Variants in NANOGP8 observed in about 807,000 individuals in gnomAD.
NANOGP8 encodes homeobox protein NANOGP8.
For missense variants in NANOGP8, 220 were observed against 353.4 expected (o/e 0.62, Z 3.03); for synonymous variants, 84 against 125.9 (o/e 0.67, Z 2.23).
In NANOGP8 at chr15:35,083,806, C is replaced by T. The variant is rs1440385086; in HGVS notation, c.*387G>A. Among the ~76,000 whole-genome samples the T allele has an allele frequency of 7.3e-6, 1 of 137,570 alleles. No individual in the cohort carries two copies. Among genetic ancestry groups the T allele is most frequent in the Non-Finnish European group, 1.5e-5 (1 of 64,666 alleles). The allele number at this position is 137,570 out of a possible 152,430, so 90.3% of individuals were successfully genotyped here. On this transcript the variant is annotated 3_prime_UTR_variant, in exon 1 of 1. Transcript: ENST00000528386. ...CTAAAAATACAAAATATTAGCCGGGCGAGGTGGCGGGCGCCTGTAGTCCCA... is the reference window on the plus strand; with the variant it reads ...CTAAAAATACAAAATATTAGCCGGGTGAGGTGGCGGGCGCCTGTAGTCCCA...
Position 35,084,670 on chromosome 15 carries a change from T to C in NANOGP8, c.441A>G (p.Arg147=). Reference sequence around the variant, plus strand: ...TTTTCTGCCACCTCTTAGATTTCATTCTCTGGTTCTGGAACCAGGTCTTCA... The same window carrying C: ...TTTTCTGCCACCTCTTAGATTTCATCCTCTGGTTCTGGAACCAGGTCTTCA... The part of the protein sequence containing the change: ...KQVKTWFQNQ[R]MKSKRWQKNN... The change falls in exon 1 of 1, where the codon AGA becomes AGG. Residue 147 remains arginine, a synonymous_variant. Coordinates refer to ENST00000528386, the MANE Select transcript of NANOGP8 (RefSeq NM_001355281.2). The C allele has an allele frequency of 6.2e-7, 1 of 1,614,114 alleles. No homozygotes were observed. Among genetic ancestry groups the C allele is most frequent in the Non-Finnish European group, 8.5e-7 (1 of 1,179,968 alleles).
rs2050908552 is a variant in NANOGP8, at chr15:35,084,821, T to C, written c.290A>G (p.Lys97Arg). 1.2e-6 allele frequency: 2 copies of C among 1,613,890 alleles called. No individual in the cohort carries two copies. Among genetic ancestry groups the C allele is most frequent in the Non-Finnish European group, 1.7e-6 (2 of 1,179,886 alleles). ...KEDKVPVKKQ[K>R]TRTVFSSTQL... The stretch of plus-strand genomic sequence containing the variant: ...GGTGGAAGAGAACACAGTTCTGGTC[T>C]TCTGTTTCTTGACCGGGACCTTGTC... The change falls in exon 1 of 1, where the codon AAG (lysine) becomes AGG (arginine). Residue 97 changes from lysine to arginine, a missense_variant. Transcript: ENST00000528386.
At position 35,084,016 on chromosome 15, in the gene NANOGP8, T is replaced by G. The variant is rs1214290685; in HGVS notation, c.*177A>C. 9.9e-6 allele frequency among the ~76,000 whole-genome samples: 1 copy of G among 100,726 alleles called. No individual in the cohort carries two copies. The highest frequency in any genetic ancestry group is 3.6e-5 in the African/African-American group (1 of 27,748). 66.1% of individuals were successfully genotyped at this position (100,726 alleles called of 152,430 possible). On this transcript the variant is annotated 3_prime_UTR_variant, in exon 1 of 1. Transcript: ENST00000528386. ...GGAAAAAAAAAAAAAAAAAGAAACC[T>G]CGCTGATTAGGCTCCAACCATACTC...
rs2050900443 is a variant in NANOGP8 at position 35,083,721 on chromosome 15, C to T, written c.*472G>A. 6.6e-6 allele frequency among the ~76,000 whole-genome samples: 1 copy of T among 152,026 alleles called. No homozygotes were observed. Among genetic ancestry groups the T allele is most frequent in the Non-Finnish European group, 1.5e-5 (1 of 68,042 alleles). On this transcript the variant is annotated 3_prime_UTR_variant, in exon 1 of 1. Transcript: ENST00000528386. ...CAGCTGTTAGGGAGGCCGAGGCGGG[C>T]GGATCACAAGGTCAGGAGATCGAGA...
chr15:35,083,642 G>A lies in NANOGP8; in HGVS notation c.*551C>T, dbSNP rs1291349826. On this transcript the variant is annotated 3_prime_UTR_variant, in exon 1 of 1. Transcript: ENST00000528386. ...ATCTATAGCCAGAGACGGCAGCCAA[G>A]GTTATTAAAATGTCTTTTCTAGGCA... Among the ~76,000 whole-genome samples, 1 of 151,860 alleles carries A rather than the reference G, an allele frequency of 6.6e-6. No individual in the cohort carries two copies. The highest frequency in any genetic ancestry group is 6.6e-5 in the Admixed American group (1 of 15,236).
rs1015155313 is a variant in NANOGP8 at position 35,084,858 on chromosome 15, C to T, written c.253G>A (p.Ala85Thr). The T allele has an allele frequency of 2.3e-5, 37 of 1,613,654 alleles. No homozygotes were observed. Among genetic ancestry groups the T allele is most frequent in the South Asian group, 1.9e-4 (17 of 91,056 alleles). Residue 85 changes from alanine (A) to threonine (T), a missense_variant, in exon 1 of 1, where the codon GCA becomes ACA. Transcript: ENST00000528386. Reference protein sequence around the residue: ...KQPTSAENSVAKKEDKVPVKK... With the variant: ...KQPTSAENSVTKKEDKVPVKK... Reference sequence around the variant, plus strand: ...ACCGGGACCTTGTCTTCCTTTTTTGCGACACTATTCTCTGCAGAAGTGGGT... The same window carrying T: ...ACCGGGACCTTGTCTTCCTTTTTTGTGACACTATTCTCTGCAGAAGTGGGT...
chr15:35,084,162 T>C lies in NANOGP8; in HGVS notation c.*31A>G. 1.5e-6 allele frequency: 1 copy of C among 653,746 alleles called. No homozygotes were observed. The highest frequency in any genetic ancestry group is 2.7e-5 in the East Asian group (1 of 37,076). The allele number at this position is 653,746 out of a possible 1,614,324, so 40.5% of individuals were successfully genotyped here. On this transcript the variant is annotated 3_prime_UTR_variant, in exon 1 of 1. Coordinates refer to ENST00000528386, the MANE Select transcript of NANOGP8 (RefSeq NM_001355281.2). ...GGAAGGATTCAGCCAGTGTCCAGACTGAAATTGAGTAATATCAGTTTCACT... is the reference window on the plus strand; with the variant it reads ...GGAAGGATTCAGCCAGTGTCCAGACCGAAATTGAGTAATATCAGTTTCACT...
rs2050906227 is a variant in NANOGP8, at chr15:35,084,394, G to A, written c.717C>T (p.Pro239=). 6.2e-7 allele frequency: 1 copy of A among 1,610,084 alleles called. No individual in the cohort carries two copies. Among genetic ancestry groups the A allele is most frequent in the East Asian group, 2.2e-5 (1 of 44,792 alleles). The change falls in exon 1 of 1, where the codon CCC becomes CCT. Residue 239 remains proline, a synonymous_variant. Transcript: ENST00000528386. ...QSWNNQAWNS[P]FYNCGEESLQ... ...GAGATTCCTCTCCACAGTTATAGAA[G>A]GGACTGTTCCAGGCCTGATTGTTCC...
Position 35,084,371 on chromosome 15 carries a change from G to T in NANOGP8, c.740C>A (p.Ser247Tyr). Residue 247 changes from serine to tyrosine, a missense_variant, in exon 1 of 1, where the codon TCT becomes TAT. Transcript: ENST00000528386. ...CTGGAAGTGCATGCAGGACTGCAGA[G>T]ATTCCTCTCCACAGTTATAGAAGGG... ...NSPFYNCGEE[S>Y]LQSCMHFQPN... 1 of 1,610,112 alleles carries T rather than the reference G, an allele frequency of 6.2e-7. No individual in the cohort carries two copies. Among genetic ancestry groups the T allele is most frequent in the Middle Eastern group, 2.3e-4 (1 of 4,436 alleles).
At position 35,084,905 on chromosome 15, in the gene NANOGP8, G is replaced by A; in HGVS notation, c.206C>T (p.Ser69Phe). ...DLLIQDSPDS[S>F]TSPKGKQPTS... ...GGGTTGTTTGCCTTTGGGACTGGTG[G>A]AAGAATCAGGGCTGTCCTGAATAAG... Residue 69 changes from serine (S) to phenylalanine (F), a missense_variant, in exon 1 of 1, where the codon TCC (serine) becomes TTC (phenylalanine). Transcript: ENST00000528386. 2.5e-6 allele frequency: 4 copies of A among 1,613,040 alleles called. No homozygotes were observed. Among genetic ancestry groups the A allele is most frequent in the South Asian group, 1.1e-5 (1 of 91,026 alleles).
rs967191831 is a variant in NANOGP8, at chr15:35,083,516, C to T, written c.*677G>A. 6.6e-6 allele frequency among the ~76,000 whole-genome samples: 1 copy of T among 151,994 alleles called. No individual in the cohort carries two copies. The highest frequency in any genetic ancestry group is 1.5e-5 in the Non-Finnish European group (1 of 68,016). ...ATAAGCAAAGCCTCCCAATCCCAAA[C>T]AATACGAATACATCTTCATCACCAA... On this transcript the variant is annotated 3_prime_UTR_variant, in exon 1 of 1. Transcript: ENST00000528386.
In NANOGP8 at chr15:35,084,687, A is replaced by G. The variant is rs1160352721; in HGVS notation, c.424T>C (p.Trp142Arg). ...GATTTCATTCTCTGGTTCTGGAACC[A>G]GGTCTTCACCTGTTTGTAGCTGAGG... ...LNLSYKQVKT[W>R]FQNQRMKSKR... Residue 142 changes from tryptophan (W) to arginine (R), a missense_variant, in exon 1 of 1, where the codon TGG (tryptophan) becomes CGG (arginine). Coordinates refer to ENST00000528386, the MANE Select transcript of NANOGP8 (RefSeq NM_001355281.2). The G allele has an allele frequency of 6.2e-7, 1 of 1,614,024 alleles. No individual in the cohort carries two copies. Among genetic ancestry groups the G allele is most frequent in the Non-Finnish European group, 8.5e-7 (1 of 1,179,982 alleles).
Position 35,084,811 on chromosome 15 carries a change from A to C in NANOGP8, c.300T>G (p.Thr100=). Residue 100 remains threonine (T), a synonymous_variant, in exon 1 of 1, where the codon ACT becomes ACG. Transcript: ENST00000528386. ...CACACAGCTGGGTGGAAGAGAACAC[A>C]GTTCTGGTCTTCTGTTTCTTGACCG... is the stretch of plus-strand genomic sequence containing the variant. ...KVPVKKQKTR[T]VFSSTQLCVL... The C allele has an allele frequency of 1.2e-6, 2 of 1,614,018 alleles. No homozygotes were observed. The highest frequency in any genetic ancestry group is 1.7e-6 in the Non-Finnish European group (2 of 1,179,904).
In NANOGP8 at chr15:35,085,185, T is replaced by C. The variant is rs112947139; in HGVS notation, c.-75A>G. The C allele has an allele frequency of 0.023, 18,305 of 806,076 alleles. 317 individuals carry two copies. The highest frequency in any genetic ancestry group is 0.07 in the African/African-American group (4,059 of 57,996). The allele number at this position is 806,076 out of a possible 1,614,324, so 49.9% of individuals were successfully genotyped here. On this transcript the variant is annotated 5_prime_UTR_variant, in exon 1 of 1. Coordinates refer to ENST00000528386, the MANE Select transcript of NANOGP8 (RefSeq NM_001355281.2). ...AAGGTTAAGGCAGCTTTAAGACTTTTCTGGAAGATGTTAGAGAAATAGGAC... is the reference window on the plus strand; with the variant it reads ...AAGGTTAAGGCAGCTTTAAGACTTTCCTGGAAGATGTTAGAGAAATAGGAC...
rs1355107488 is a variant in NANOGP8 at position 35,084,546 on chromosome 15, G to A, written c.565C>T (p.Pro189Ser). ...CTCCACATTGGAAGGTTCCCAGTCG[G>A]GTTCACCAGGCATCCCTGGTGGTAG... ...SSYHQGCLVN[P>S]TGNLPMWSNQ... Residue 189 changes from proline (P) to serine (S), a missense_variant, in exon 1 of 1, where the codon CCG becomes TCG. Transcript: ENST00000528386. 12 of 1,613,280 alleles carry A rather than the reference G, an allele frequency of 7.4e-6. No homozygotes were observed.
In NANOGP8 at chr15:35,085,221, A is replaced by G; in HGVS notation, c.-111T>C. 1.6e-6 allele frequency: 1 copy of G among 644,420 alleles called. No individual in the cohort carries two copies. Among genetic ancestry groups the G allele is most frequent in the East Asian group, 2.7e-5 (1 of 36,858 alleles). 39.9% of individuals were successfully genotyped at this position (644,420 alleles called of 1,614,324 possible). A position where few individuals can be genotyped will look rare whatever the true frequency, so the allele number is the denominator to read the frequency against. ...TTAGAGAAATAGGACCTCCAGAAGG[A>G]AAAGTATCAAGAAATTGGGATAAAG... On this transcript the variant is annotated 5_prime_UTR_variant, in exon 1 of 1. Transcript: ENST00000528386.
rs923810689 is a variant in NANOGP8, at chr15:35,085,263, T to A, written c.-153A>T. ...GGGATAAAGTGAGTTGCCTGCATAA[T>A]AACATGAGGCAACCAGCTCAGTCCA... On this transcript the variant is annotated 5_prime_UTR_variant, in exon 1 of 1. Coordinates refer to ENST00000528386, the MANE Select transcript of NANOGP8 (RefSeq NM_001355281.2). 1.3e-5 allele frequency among the ~76,000 whole-genome samples: 2 copies of A among 152,034 alleles called. No homozygotes were observed. Among genetic ancestry groups the A allele is most frequent in the African/African-American group, 4.8e-5 (2 of 41,396 alleles).
In NANOGP8 at chr15:35,085,227, A is replaced by G. The variant is rs1394002330; in HGVS notation, c.-117T>C. ...AAATAGGACCTCCAGAAGGAAAAGT[A>G]TCAAGAAATTGGGATAAAGTGAGTT... On this transcript the variant is annotated 5_prime_UTR_variant, in exon 1 of 1. Coordinates refer to ENST00000528386, the MANE Select transcript of NANOGP8 (RefSeq NM_001355281.2). The G allele has an allele frequency of 2.0e-5, 13 of 638,502 alleles. No homozygotes were observed. The highest frequency in any genetic ancestry group is 3.7e-5 in the African/African-American group (2 of 54,468). The allele number at this position is 638,502 out of a possible 1,614,324, so 39.6% of individuals were successfully genotyped here. A position where few individuals can be genotyped will look rare whatever the true frequency, so the allele number is the denominator to read the frequency against.
Position 35,083,439 on chromosome 15 carries a change from A to T in NANOGP8, c.*754T>A, listed in dbSNP as rs2140332633. On this transcript the variant is annotated 3_prime_UTR_variant, in exon 1 of 1. Coordinates refer to ENST00000528386, the MANE Select transcript of NANOGP8 (RefSeq NM_001355281.2). ...CAAAACAGAGCCAAAAACGGTAAGA[A>T]ATCAATTAAGTATGTTACAGCTTAA... 6.6e-6 allele frequency among the ~76,000 whole-genome samples: 1 copy of T among 152,216 alleles called. No homozygotes were observed. The highest frequency in any genetic ancestry group is 1.9e-4 in the East Asian group (1 of 5,156).
Sources: allele counts gnomAD v4.1 joint callset (sites outside exome capture counted in the v4.1 genomes callset), GRCh38; gene constraint gnomAD v4.1.1; transcripts MANE v1.5; gene names NCBI Gene and HGNC (gene_info 2026-07-23, HGNC 2026-07-21).